The following SPSB4 variants were observed in gnomAD, a reference collection of about 807,000 sequenced individuals.
SPSB4 encodes the protein splA/ryanodine receptor domain and SOCS box containing 4.
SPSB4 carries 21 observed loss-of-function variants against 20.9 expected under a neutral mutation model. The observed-to-expected ratio is 1.01, with a 90% CI of 0.71 to 1.45. The LOEUF (loss-of-function observed/expected upper bound fraction) is 1.45. Ranked by LOEUF, SPSB4 falls within the 40% of genes most tolerant of loss-of-function variation. The pLI, the probability that SPSB4 is intolerant of heterozygous loss-of-function variation, is 0.00. For synonymous variants in SPSB4, 207 were observed against 183.8 expected (o/e 1.13, Z -1.02); for missense variants, 399 against 399.2 (o/e 1.00, Z 0.00).
intron 2 of SPSB4, among the ~76,000 whole-genome samples, chr3:141,103,353 C>A (rs1157454353): frequency 6.6e-6 from 1 of 152,180 alleles, no homozygotes; most frequent in Non-Finnish European, 1.5e-5. Flanking sequence ...CACAGAGGGG[C>A]CCCACGACAG....
Position 141,071,270 on chromosome 3 carries a change from GCAGGCGGCAGGAGGGCTGAC to G in SPSB4, c.694+4473_694+4492del, listed in dbSNP as rs140818094. On this transcript the variant is annotated intron_variant, in intron 2 of 2. Transcript: ENST00000310546. ...GGCTCCCCAGCTCCTCTCTCCACATGCAGGCGGCAGGAGGGCTGACAGAACGGCTTTGTCTCACATCTCGG... is the reference window on the plus strand; with the variant it reads ...GGCTCCCCAGCTCCTCTCTCCACATGAGAACGGCTTTGTCTCACATCTCGG... Among the ~76,000 whole-genome samples the G allele has an allele frequency of 2.0e-3, 297 of 152,288 alleles. 4 individuals are homozygous for G. The East Asian group carries it at 0.038, about 20-fold the overall frequency.
At chr3:141,144,550 T>C (rs1448565456) in intron 2 of SPSB4, among the ~76,000 whole-genome samples, 1 of 152,230 alleles carries the variant, frequency 6.6e-6, no homozygotes, top group Non-Finnish European at 1.5e-5. Context: ...CTCTTAAAGT[T>C]CCACAGTGGG....
chr3:141,116,866 G>A (rs1220478403), intron 2 of SPSB4, among the ~76,000 whole-genome samples: 1 of 152,184 alleles, frequency 6.6e-6, no homozygotes, highest in Admixed American at 6.5e-5. Flanking sequence ...AGTTCCCAAG[G>A]CCTCTGCTTC....
At chr3:141,145,569 C>T (rs1939399746) in intron 2 of SPSB4, among the ~76,000 whole-genome samples, 1 of 152,184 alleles carries the variant, frequency 6.6e-6, no homozygotes, top group Non-Finnish European at 1.5e-5. Flanking sequence ...CTATTCCTAT[C>T]ACAACTCTTG....
intron 2 of SPSB4, among the ~76,000 whole-genome samples, chr3:141,094,293 T>A (rs4683393): frequency 0.18 from 27,296 of 152,192 alleles, 3,082 homozygotes; most frequent in African/African-American, 0.3. Flanking sequence ...CTGGGCCGGC[T>A]CAGAGCAGGT....
chr3:141,104,611 C>T (rs568571731), intron 2 of SPSB4, among the ~76,000 whole-genome samples: 3 of 152,280 alleles, frequency 2.0e-5, no homozygotes, highest in African/African-American at 7.2e-5. Context: ...GTGACCTGCA[C>T]ACAGGTGGCC....
rs1358826583 is a variant in SPSB4 at position 141,066,201 on chromosome 3, C to T, written c.97C>T (p.Arg33Trp). The T allele has an allele frequency of 2.0e-6, 3 of 1,529,388 alleles. No individual in the cohort carries two copies. The highest frequency in any genetic ancestry group is 2.5e-5 in the East Asian group (1 of 39,408). 94.7% of individuals were successfully genotyped at this position (1,529,388 alleles called of 1,614,324 possible). A position where few individuals can be genotyped will look rare whatever the true frequency, so the allele number is the denominator to read the frequency against. ...GGAGCTGCGGGGTGCAGAGCCCGGGCGGCCGGCGCGGCTGGACCAGCTGTT... is the reference window on the plus strand; with the variant it reads ...GGAGCTGCGGGGTGCAGAGCCCGGGTGGCCGGCGCGGCTGGACCAGCTGTT... ...KRELRGAEPG[R>W]PARLDQLLDM... Residue 33 changes from arginine (R) to tryptophan (W), a missense_variant, in exon 2 of 3, where the codon CGG (arginine) becomes TGG (tryptophan). By Grantham distance (101) the Arg-to-Trp change is moderately radical. Transcript: ENST00000310546.
At chr3:141,103,096 T>C (rs1296298141) in intron 2 of SPSB4, among the ~76,000 whole-genome samples, 3 of 152,204 alleles carry the variant, frequency 2.0e-5, no homozygotes, top group African/African-American at 4.8e-5. Context: ...CAATACCTGA[T>C]TGTTAACAAC....
At chr3:141,081,491 AT>A (rs993435857) in intron 2 of SPSB4, among the ~76,000 whole-genome samples, 4 of 152,126 alleles carry the variant, frequency 2.6e-5, no homozygotes, top group African/African-American at 9.7e-5. Context: ...TAGGAGAAAG[AT>A]TTAGCCCAGA....
At chr3:141,118,967 A>G (rs1301437091) in intron 2 of SPSB4, among the ~76,000 whole-genome samples, 2 of 152,220 alleles carry the variant, frequency 1.3e-5, no homozygotes, top group Non-Finnish European at 2.9e-5. Flanking sequence ...TGTCTTGGCT[A>G]TATGGGCTCT....
At chr3:141,093,373 C>A (rs889042456) in intron 2 of SPSB4, among the ~76,000 whole-genome samples, 5 of 151,958 alleles carry the variant, frequency 3.3e-5, no homozygotes, top group African/African-American at 1.2e-4. Context: ...ACCTTAGTTT[C>A]TTTTGCACTT....
intron 2 of SPSB4, among the ~76,000 whole-genome samples, chr3:141,134,136 A>T (rs1397977759): frequency 7.3e-6 from 1 of 137,590 alleles, no homozygotes; most frequent in African/African-American, 2.8e-5. Context: ...GGTGTATAGC[A>T]GTGCTACTGA....
intron 2 of SPSB4, among the ~76,000 whole-genome samples, chr3:141,091,512 G>C (rs73872049): frequency 6.5e-4 from 99 of 152,306 alleles, no homozygotes; most frequent in African/African-American, 2.4e-3. Flanking sequence ...CGTCAAAACT[G>C]TCCTGAGCAA....
At chr3:141,130,962 A>T (rs1411742665) in intron 2 of SPSB4, among the ~76,000 whole-genome samples, 2 of 152,228 alleles carry the variant, frequency 1.3e-5, no homozygotes, top group African/African-American at 4.8e-5. Flanking sequence ...GGAAATCTTC[A>T]TCAAGAGCAG....
intron 2 of SPSB4, among the ~76,000 whole-genome samples, chr3:141,094,761 T>G: frequency 7.0e-6 from 1 of 142,626 alleles, no homozygotes; most frequent in Non-Finnish European, 1.5e-5. Flanking sequence ...CCTTGTGCCC[T>G]GCCCGCCCCC....
chr3:141,078,730 C>T (rs1196511694), intron 2 of SPSB4, among the ~76,000 whole-genome samples: 4 of 152,144 alleles, frequency 2.6e-5, no homozygotes, highest in Admixed American at 6.5e-5. Context: ...CTGGGTTAAG[C>T]GCCAAGCACT....
chr3:141,127,547 C>T (rs1022891155), intron 2 of SPSB4, among the ~76,000 whole-genome samples: 1 of 152,148 alleles, frequency 6.6e-6, no homozygotes, highest in Admixed American at 6.5e-5. Context: ...GCATCACTTG[C>T]CTTGCCATTC....
intron 2 of SPSB4, among the ~76,000 whole-genome samples, chr3:141,081,127 G>A (rs1322344736): frequency 6.6e-6 from 1 of 152,218 alleles, no homozygotes; most frequent in Middle Eastern, 3.2e-3. Context: ...ACACTGTGGT[G>A]CTACATCAGC....
chr3:141,132,100 C>T (rs1939141233), intron 2 of SPSB4: 1 of 294,904 alleles, frequency 3.4e-6, no homozygotes, highest in Non-Finnish European at 6.7e-6. Context: ...TGATGCACTA[C>T]TCAATGTGTA....
Sources: allele counts gnomAD v4.1 joint callset (sites outside exome capture counted in the v4.1 genomes callset), GRCh38; gene constraint gnomAD v4.1.1; transcripts MANE v1.5; gene names NCBI Gene and HGNC (gene_info 2026-07-23, HGNC 2026-07-21).